ZNF345: variants seen among roughly 807,000 people sequenced by gnomAD.
ZNF345 encodes zinc finger protein 345.
For synonymous variants in ZNF345, 166 were observed against 187.9 expected (o/e 0.88, Z 0.95); for missense variants, 527 against 589.9 (o/e 0.89, Z 1.10).
exon 4 of ZNF345, chr19:36,892,959 G>C: frequency 1.9e-6 from 1 of 538,488 alleles, no homozygotes. Context: ...GCAGGATGCC[G>C]CTTCTGCTCC....
At chr19:36,854,144 G>A (rs1030793483) in intron 2 of ZNF345, among the ~76,000 whole-genome samples, 4 of 151,720 alleles carry the variant, frequency 2.6e-5, no homozygotes, top group Admixed American at 6.6e-5. Flanking sequence ...CACGTAATTC[G>A]TTGTACAGAG....
At chr19:36,869,843 G>C (rs2072738311) in intron 2 of ZNF345, among the ~76,000 whole-genome samples, 1 of 150,368 alleles carries the variant, frequency 6.7e-6, no homozygotes, top group African/African-American at 2.5e-5. Context: ...CTCACTGCAA[G>C]CTCTACCTCC....
intron 2 of ZNF345, among the ~76,000 whole-genome samples, chr19:36,856,635 C>CA (rs1483261798): frequency 1.3e-5 from 2 of 152,116 alleles, no homozygotes; most frequent in Admixed American, 6.5e-5. Flanking sequence ...GCAGGCGCAT[C>CA]ACCTGAGGTC....
At chr19:36,873,855 A>G (rs927596012) in intron 2 of ZNF345, among the ~76,000 whole-genome samples, 1 of 152,076 alleles carries the variant, frequency 6.6e-6, no homozygotes, top group Non-Finnish European at 1.5e-5. Flanking sequence ...ATATATCACA[A>G]TTTCTTCATC....
In ZNF345 at chr19:36,877,229, T is replaced by G. The variant is rs1568360273; in HGVS notation, c.399T>G (p.Leu133=). 1.2e-6 allele frequency: 2 copies of G among 1,613,962 alleles called. No homozygotes were observed. Among genetic ancestry groups the G allele is most frequent in the Admixed American group, 1.7e-5 (1 of 60,022 alleles). Residue 133 remains leucine (L), a synonymous_variant, in exon 3 of 3, where the codon CTT becomes CTG. Transcript: ENST00000420450. ...CGKAFGSGSN[L]THHQRIHTGE... ...AGGCCTTTGGTAGTGGCTCAAACCT[T>G]ACTCACCATCAGAGAATTCATACTG...
chr19:36,868,424 A>G (rs922974827), intron 2 of ZNF345, among the ~76,000 whole-genome samples: 1 of 151,978 alleles, frequency 6.6e-6, no homozygotes, highest in Non-Finnish European at 1.5e-5. Context: ...TTAGTCATAG[A>G]TGTTTGGGTT....
intron 3 of ZNF345, among the ~76,000 whole-genome samples, chr19:36,885,059 G>GTGAT (rs1405273470): frequency 6.6e-6 from 1 of 152,042 alleles, no homozygotes; most frequent in African/African-American, 2.4e-5. Context: ...GTTTTCCAAA[G>GTGAT]TGATTGTGCA....
At chr19:36,864,276 A>G (rs1166417519) in intron 2 of ZNF345, among the ~76,000 whole-genome samples, 3 of 152,204 alleles carry the variant, frequency 2.0e-5, no homozygotes, top group African/African-American at 4.8e-5. Context: ...TGTAATCCCA[A>G]CACTTGGGGA....
At chr19:36,864,008 C>T (rs567834440) in intron 2 of ZNF345, among the ~76,000 whole-genome samples, 23 of 152,336 alleles carry the variant, frequency 1.5e-4, no homozygotes, top group African/African-American at 5.3e-4. Flanking sequence ...AAGGCATGAC[C>T]AAACTAATCC....
intron 2 of ZNF345, among the ~76,000 whole-genome samples, chr19:36,874,383 G>A (rs907885786): frequency 1.3e-5 from 2 of 151,756 alleles, no homozygotes; most frequent in Non-Finnish European, 2.9e-5. Flanking sequence ...AATCCCAGCT[G>A]TTTGGGAGGC....
At chr19:36,854,024 G>A (rs1376839117) in intron 2 of ZNF345, among the ~76,000 whole-genome samples, 3 of 152,166 alleles carry the variant, frequency 2.0e-5, no homozygotes, top group Non-Finnish European at 2.9e-5. Context: ...AAGGCCAAGA[G>A]ACAATGGGGG....
intron 2 of ZNF345, among the ~76,000 whole-genome samples, chr19:36,872,357 G>T (rs1350711996): frequency 6.6e-6 from 1 of 152,166 alleles, no homozygotes; most frequent in African/African-American, 2.4e-5. Context: ...TGGAGGTGGG[G>T]CCTAATGGCA....
intron 2 of ZNF345, among the ~76,000 whole-genome samples, chr19:36,865,986 G>A (rs1241754527): frequency 6.6e-6 from 1 of 152,066 alleles, no homozygotes; most frequent in Non-Finnish European, 1.5e-5. Context: ...CAGTGTTGAA[G>A]CAACCTTGTA....
At chr19:36,893,195 A>G (rs1381317986), downstream of ZNF345, among the ~76,000 whole-genome samples, 1 of 152,218 alleles carries the variant, frequency 6.6e-6, no homozygotes, top group Non-Finnish European at 1.5e-5. Flanking sequence ...GCCTCCGACA[A>G]ATCTAATATG....
intron 2 of ZNF345, among the ~76,000 whole-genome samples, chr19:36,854,235 G>GTTTT (rs34215056): frequency 6.5e-5 from 9 of 138,698 alleles, no homozygotes; most frequent in South Asian, 2.3e-4. Flanking sequence ...CCTGGGTTTT[G>GTTTT]TTTTTTTTTT....
intron 2 of ZNF345, among the ~76,000 whole-genome samples, chr19:36,853,250 T>TG (rs1458144170): frequency 1.4e-5 from 2 of 147,984 alleles, no homozygotes; most frequent in East Asian, 3.9e-4. Flanking sequence ...TCTTTCTTTT[T>TG]TTTTTTTTTT....
chr19:36,858,539 G>A (rs573912903), intron 2 of ZNF345, among the ~76,000 whole-genome samples: 4 of 152,280 alleles, frequency 2.6e-5, no homozygotes, highest in East Asian at 1.9e-4. Flanking sequence ...GAAGGCGGGC[G>A]GCGGATCACC....
At chr19:36,865,215 T>C (rs1477887741) in intron 2 of ZNF345, among the ~76,000 whole-genome samples, 1 of 152,100 alleles carries the variant, frequency 6.6e-6, no homozygotes, top group African/African-American at 2.4e-5. Flanking sequence ...GCAGTGTCTT[T>C]CAGACATCCA....
Position 36,877,945 on chromosome 19 carries a change from G to C in ZNF345, c.1115G>C (p.Cys372Ser), listed in dbSNP as rs745756512. 3 of 1,614,076 alleles carry C rather than the reference G, an allele frequency of 1.9e-6. No individual in the cohort carries two copies. The African/African-American group carries it at 4.0e-5, about 22-fold the overall frequency. ...RIHTGEKPYE[C>S]KECGKAFGSG... ...CATACTGGTGAGAAACCCTATGAAT[G>C]TAAGGAATGTGGGAAGGCCTTTGGT... Residue 372 changes from cysteine to serine, a missense_variant, in exon 3 of 3, where the codon TGT becomes TCT. Physicochemically the swap from Cys to Ser is moderately radical, Grantham distance 112. Transcript: ENST00000420450.
Sources: allele counts gnomAD v4.1 joint callset (sites outside exome capture counted in the v4.1 genomes callset), GRCh38; gene constraint gnomAD v4.1.1; transcripts MANE v1.5; gene names NCBI Gene and HGNC (gene_info 2026-07-23, HGNC 2026-07-21).